The following BNIP2 variants were observed in gnomAD, a reference collection of about 807,000 sequenced individuals.
The protein encoded by BNIP2 is BCL2 interacting protein 2.
BNIP2 carries 36 observed loss-of-function variants against 43.4 expected under a neutral mutation model. The observed-to-expected ratio is 0.83, with a 90% CI of 0.64 to 1.10. The LOEUF (loss-of-function observed/expected upper bound fraction) is 1.10. Among genes scored for constraint, BNIP2 ranks in the 50% least tolerant of loss-of-function variants. The pLI is 0.00. For synonymous variants in BNIP2, 146 were observed against 121.0 expected, an observed-to-expected ratio of 1.21 and a Z score of -1.35; for missense variants, 417 against 374.1, an observed-to-expected ratio of 1.11 and a Z score of -0.95.
At position 59,682,561 on chromosome 15, in the gene BNIP2, A is replaced by G. The variant is rs775724390; in HGVS notation, c.-57-47T>C. On this transcript the variant is annotated intron_variant, in intron 1 of 9. Coordinates refer to ENST00000607373, the MANE Select transcript of BNIP2 (RefSeq NM_004330.4). ...TAACTTAATTTCCACTTTACTTTTT[A>G]TCCACTGAAAAGGCGTAATAATCTT... The G allele has an allele frequency of 4.1e-6, 6 of 1,471,710 alleles. No homozygotes were observed. In the East Asian group the frequency reaches 1.4e-4, roughly 34 times the overall value. 91.2% of individuals were successfully genotyped at this position (1,471,710 alleles called of 1,614,324 possible). A position where few individuals can be genotyped will look rare whatever the true frequency, so the allele number is the denominator to read the frequency against.
chr15:59,669,539 T>G (rs1166466777), intron 7 of BNIP2, among the ~76,000 whole-genome samples, 177 bp from the exon 8 acceptor site: 1 of 152,244 alleles, frequency 6.6e-6, no homozygotes, highest in Non-Finnish European at 1.5e-5. Flanking sequence ...TCCCTCCTAC[T>G]GCTATGAAAT....
At chr15:59,688,154 G>A (rs1004832366) in intron 1 of BNIP2, among the ~76,000 whole-genome samples, 1 of 152,206 alleles carries the variant, frequency 6.6e-6, no homozygotes, top group African/African-American at 2.4e-5. Context: ...TAGGAATAGA[G>A]TTTAGAGAAA....
At chr15:59,684,895 T>C (rs1893915496) in intron 1 of BNIP2, among the ~76,000 whole-genome samples, 1 of 152,194 alleles carries the variant, frequency 6.6e-6, no homozygotes, top group Non-Finnish European at 1.5e-5. Context: ...CCATGGTGCC[T>C]AGCACATAAC....
intron 1 of BNIP2, among the ~76,000 whole-genome samples, chr15:59,687,662 G>C (rs1894108557): frequency 6.6e-6 from 1 of 151,856 alleles, no homozygotes; most frequent in Admixed American, 6.6e-5. Context: ...CAATCTATCA[G>C]CCCGGTAACT....
chr15:59,682,108 C>CACG (rs527370734), intron 2 of BNIP2, among the ~76,000 whole-genome samples: 41 of 152,184 alleles, frequency 2.7e-4, no homozygotes, highest in African/African-American at 9.4e-4. Context: ...GCAGGCAGAT[C>CACG]ACGAGGTCAG....
intron 5 of BNIP2, chr15:59,677,467 G>A (rs1893378849): frequency 7.1e-7 from 1 of 1,417,044 alleles, no homozygotes; most frequent in East Asian, 2.5e-5. Flanking sequence ...CATAGAGCAG[G>A]TGACTGGAAA....
At chr15:59,678,949 GA>G (rs1358226998) in intron 4 of BNIP2, 27 of 1,005,366 alleles carry the variant, frequency 2.7e-5, no homozygotes, top group Non-Finnish European at 3.2e-5. Context: ...AAACAGGGAA[GA>G]AAAAAGAAAC....
chr15:59,661,108 G>C lies in BNIP2; in HGVS notation c.*2961C>G, dbSNP rs1471360252. 5.9e-5 allele frequency: 9 copies of C among 152,160 alleles called. No homozygotes were observed. Among genetic ancestry groups the C allele is most frequent in the South Asian group, 2.1e-4 (1 of 4,830 alleles). 9.4% of individuals were successfully genotyped at this position (152,160 alleles called of 1,614,324 possible). ...TCCAAGCATTTGGGAGGCTGAGACA[G>C]GCAGATCATGAGGTCAGGAGTTCGA... On this transcript the variant is annotated 3_prime_UTR_variant, in exon 10 of 10. Coordinates refer to ENST00000607373, the MANE Select transcript of BNIP2 (RefSeq NM_004330.4).
At chr15:59,669,489 AC>A (rs1892771974) in intron 7 of BNIP2, 127 bp from the exon 8 acceptor site, 2 of 569,984 alleles carry the variant, frequency 3.5e-6, no homozygotes, top group African/African-American at 3.9e-5. Context: ...TAGGTGTGAT[AC>A]CCCTGTAGAC....
At chr15:59,683,648 C>G (rs1595707764) in intron 1 of BNIP2, among the ~76,000 whole-genome samples, 2 of 152,148 alleles carry the variant, frequency 1.3e-5, no homozygotes, top group Admixed American at 6.5e-5. Context: ...GAAACCCAGT[C>G]TCTACTAAAA....
chr15:59,671,398 T>A, intron 6 of BNIP2, 84 bp from the exon 7 acceptor site: 1 of 1,213,898 alleles, frequency 8.2e-7, no homozygotes, highest in East Asian at 2.6e-5. Context: ...ATTATACAAT[T>A]CCTTCCTCTC....
At chr15:59,676,767 A>G in intron 5 of BNIP2, 1 of 1,475,866 alleles carries the variant, frequency 6.8e-7, no homozygotes, top group Non-Finnish European at 9.2e-7. Flanking sequence ...ATGGAGGATG[A>G]GCGGAGCTTT....
intron 2 of BNIP2, among the ~76,000 whole-genome samples, chr15:59,681,165 A>G (rs1197058464): frequency 6.6e-6 from 1 of 152,156 alleles, no homozygotes; most frequent in Non-Finnish European, 1.5e-5. Flanking sequence ...TATCACCACC[A>G]TATGCAACAG....
chr15:59,675,158 C>A (rs1012019444), intron 5 of BNIP2, among the ~76,000 whole-genome samples: 3 of 148,618 alleles, frequency 2.0e-5, no homozygotes, highest in South Asian at 4.2e-4. Flanking sequence ...CTGAGGCTGG[C>A]GTATCGCTTG....
At chr15:59,666,494 C>T (rs920737842) in intron 9 of BNIP2, among the ~76,000 whole-genome samples, 1 of 152,222 alleles carries the variant, frequency 6.6e-6, no homozygotes, top group Middle Eastern at 3.4e-3. Context: ...TGGTGAAACC[C>T]AGTCTCTACT....
At chr15:59,677,851 A>G in intron 5 of BNIP2, 60 bp downstream of exon 5, 1 of 1,133,412 alleles carries the variant, frequency 8.8e-7, no homozygotes, top group Non-Finnish European at 1.2e-6. Context: ...ATATCCTTCC[A>G]AAAAAAAAAG....
rs543712866 is a variant in BNIP2, at chr15:59,671,631, CTGTG to C, written c.576-321_576-318del. 3.0e-3 allele frequency among the ~76,000 whole-genome samples: 464 copies of C among 152,246 alleles called. 1 individual carries two copies. Among genetic ancestry groups the C allele is most frequent in the Non-Finnish European group, 5.5e-3 (374 of 68,012 alleles). ...AGATTTGATATACTTCTCTTTACCC[CTGTG>C]TATGTCTGAAACTTTCCACAATACG... On this transcript the variant is annotated intron_variant, in intron 6 of 9. Coordinates refer to ENST00000607373, the MANE Select transcript of BNIP2 (RefSeq NM_004330.4).
chr15:59,663,869 A>G lies in BNIP2; in HGVS notation c.*200T>C, dbSNP rs1228685145. On this transcript the variant is annotated 3_prime_UTR_variant, in exon 10 of 10. Transcript: ENST00000607373. ...AACGATAATAATACAGTTAGCTATT[A>G]AAGAGCTAAATTCAAGAAATTTGCA... The G allele has an allele frequency of 1.0e-5, 4 of 395,910 alleles. No individual in the cohort carries two copies. Among genetic ancestry groups the G allele is most frequent in the Admixed American group, 4.5e-5 (1 of 22,466 alleles). 24.5% of individuals were successfully genotyped at this position (395,910 alleles called of 1,614,324 possible). A position where few individuals can be genotyped will look rare whatever the true frequency, so the allele number is the denominator to read the frequency against.
Position 59,678,501 on chromosome 15 carries a change from A to G in BNIP2, c.296-414T>C, listed in dbSNP as rs551661175. On this transcript the variant is annotated intron_variant, in intron 4 of 9. Transcript: ENST00000607373. ...GGAGCCAATTTTGTTGTTGTTGAGC[A>G]CATAAATTAACTGTAATACCAGATA... 4 of 1,070,038 alleles carry G rather than the reference A, an allele frequency of 3.7e-6. No homozygotes were observed. The African/African-American group carries it at 5.1e-5, about 14-fold the overall frequency. 66.3% of individuals were successfully genotyped at this position (1,070,038 alleles called of 1,614,324 possible).
Sources: allele counts gnomAD v4.1 joint callset (sites outside exome capture counted in the v4.1 genomes callset), GRCh38; gene constraint gnomAD v4.1.1; transcripts MANE v1.5; gene names NCBI Gene and HGNC (gene_info 2026-07-23, HGNC 2026-07-21).